ATAD3C: variants seen among roughly 807,000 people sequenced by gnomAD.
ATAD3C encodes ATPase family AAA domain-containing protein 3C.
Under a neutral mutation model 46.3 loss-of-function variants are expected in ATAD3C, and 38 were observed. The ratio of observed to expected loss-of-function variants is 0.82; its 90% CI spans 0.63 to 1.08. The LOEUF (loss-of-function observed/expected upper bound fraction) is 1.08. ATAD3C is among the 50% of genes least tolerant of loss of function. The pLI, the probability that ATAD3C is intolerant of heterozygous loss-of-function variation, is 0.00. For synonymous variants in ATAD3C, 220 were observed against 236.4 expected (o/e 0.93, Z 0.63); for missense variants, 563 against 572.7 (o/e 0.98, Z 0.17).
intron 11 of ATAD3C, among the ~76,000 whole-genome samples, chr1:1,467,497 G>A (rs1476255575): frequency 1.3e-5 from 2 of 152,032 alleles, no homozygotes; most frequent in Admixed American, 6.6e-5. Flanking sequence ...CAGAGGGGAC[G>A]GGCACCACGT....
rs779246122 is a variant in ATAD3C, at chr1:1,455,415, G to A, written c.379-45G>A. 1.9e-5 allele frequency: 30 copies of A among 1,605,520 alleles called. No individual in the cohort carries two copies. The South Asian group carries it at 2.8e-4, about 15-fold the overall frequency. On this transcript the variant is annotated intron_variant, in intron 4 of 11. Coordinates refer to ENST00000378785, the MANE Select transcript of ATAD3C (RefSeq NM_001039211.3). ...TTGTGTGTGCGTTGGTGGCTGTTCC[G>A]TGGCTGTGGCAGGTGACCCAATGGT...
At chr1:1,454,623 C>T (rs974346401) in intron 4 of ATAD3C, 123 bp downstream of exon 4, 22 of 1,435,384 alleles carry the variant, frequency 1.5e-5, no homozygotes, top group East Asian at 2.8e-5. Context: ...GGCACCCGCA[C>T]GCTGCTTCAC....
rs377159075 is a variant in ATAD3C, at chr1:1,455,785, C to G, written c.439-6C>G. Reference sequence around the variant, plus strand: ...GTGTCCTCCAAGCCCCTGTCTTCCTCGGCAGCCCAGCCTGGAAGCACGGGT... The same window carrying G: ...GTGTCCTCCAAGCCCCTGTCTTCCTGGGCAGCCCAGCCTGGAAGCACGGGT... On this transcript the variant is annotated splice_polypyrimidine_tract_variant and splice_region_variant and intron_variant, in intron 5 of 11. Coordinates refer to ENST00000378785, the MANE Select transcript of ATAD3C (RefSeq NM_001039211.3). 1.2e-6 allele frequency: 2 copies of G among 1,613,066 alleles called. No homozygotes were observed. Among genetic ancestry groups the G allele is most frequent in the Non-Finnish European group, 1.7e-6 (2 of 1,179,648 alleles).
Position 1,450,676 on chromosome 1 carries a change from T to C in ATAD3C, c.-8T>C, listed in dbSNP as rs113739290. ...CACCTGCCCTCCGTGTCCCTGCATC[T>C]GCAGGCCATGTCAAAGGACGCCCTG... is the stretch of plus-strand genomic sequence containing the variant. On this transcript the variant is annotated 5_prime_UTR_variant, in exon 1 of 12. Transcript: ENST00000378785. 5.0e-5 allele frequency: 81 copies of C among 1,611,118 alleles called. No homozygotes were observed. Among genetic ancestry groups the C allele is most frequent in the Non-Finnish European group, 6.6e-5 (78 of 1,178,584 alleles).
intron 4 of ATAD3C, among the ~76,000 whole-genome samples, chr1:1,454,748 G>A (rs1347233820): frequency 1.3e-5 from 2 of 151,858 alleles, no homozygotes; most frequent in Admixed American, 6.6e-5. Flanking sequence ...GGAGCACATC[G>A]GGGTCCTTGC....
intron 9 of ATAD3C, 56 bp from the exon 10 acceptor site, chr1:1,460,694 C>A: frequency 6.5e-7 from 1 of 1,532,556 alleles, no homozygotes; most frequent in Non-Finnish European, 8.8e-7. Flanking sequence ...ACCTGTTCCC[C>A]TGGGGACAGC....
Position 1,451,009 on chromosome 1 carries a change from T to C in ATAD3C, c.75+251T>C, listed in dbSNP as rs567023233. On this transcript the variant is annotated intron_variant, in intron 1 of 11. Transcript: ENST00000378785. ...GGTCGTCCTGAGGGCCTGGATCTTCTTGACATTCTCACCTCATTTCTTTGA... is the reference window on the plus strand; with the variant it reads ...GGTCGTCCTGAGGGCCTGGATCTTCCTGACATTCTCACCTCATTTCTTTGA... 4.4e-4 allele frequency among the ~76,000 whole-genome samples: 67 copies of C among 151,646 alleles called. 1 individual carries two copies. Among genetic ancestry groups the C allele is most frequent in the Non-Finnish European group, 8.8e-4 (60 of 67,910 alleles).
In ATAD3C at chr1:1,462,689, A is replaced by G; in HGVS notation, c.1070A>G (p.Gln357Arg). 6.2e-7 allele frequency: 1 copy of G among 1,604,708 alleles called. No homozygotes were observed. The highest frequency in any genetic ancestry group is 1.3e-5 in the African/African-American group (1 of 74,980). The part of the protein sequence containing the change: ...TEGMSCRKIA[Q>R]LAVSWQATAY... ...GGCATGTCATGCCGGAAGATCGCAC[A>G]GCTGGCCGTGTCCTGGCAGGTGAGT... Residue 357 changes from glutamine (Q) to arginine (R), a missense_variant, in exon 11 of 12, where the codon CAG becomes CGG. By Grantham distance (43) the Gln-to-Arg change is conservative. Transcript: ENST00000378785. The surrounding 1 kb of genome is among the most constrained non-coding windows in gnomAD (Gnocchi z 4.5).
At position 1,459,337 on chromosome 1, in the gene ATAD3C, C is replaced by A; in HGVS notation, c.812+106C>A. On this transcript the variant is annotated intron_variant, in intron 9 of 11. Transcript: ENST00000378785. The surrounding 1 kb of genome is among the most constrained non-coding windows in gnomAD (Gnocchi z 4.9). ...GGCCCTGGCTCACAGTGCTGGGCAGCTGCCGTGGCCTCAACGTGCCCACCT... is the reference window on the plus strand; with the variant it reads ...GGCCCTGGCTCACAGTGCTGGGCAGATGCCGTGGCCTCAACGTGCCCACCT... 1 of 1,565,718 alleles carries A rather than the reference C, an allele frequency of 6.4e-7. No homozygotes were observed. Among genetic ancestry groups the A allele is most frequent in the Non-Finnish European group, 8.6e-7 (1 of 1,158,432 alleles).
chr1:1,468,336 T>C (rs759757318), intron 11 of ATAD3C, 48 bp from the exon 12 acceptor site: 1 of 1,575,866 alleles, frequency 6.3e-7, no homozygotes, highest in Non-Finnish European at 8.6e-7. Flanking sequence ...GCATTTGGGG[T>C]GGGGGGTTCC....
At position 1,458,698 on chromosome 1, in the gene ATAD3C, C is replaced by T. The variant is rs185029737; in HGVS notation, c.742-463C>T. Among the ~76,000 whole-genome samples the T allele has an allele frequency of 1.1e-3, 168 of 150,956 alleles. 4 individuals carry two copies. The highest frequency in any genetic ancestry group is 2.1e-3 in the Non-Finnish European group (145 of 67,784). Reference sequence around the variant, plus strand: ...TTGACCTTCTGAAGTTCTGGGATTACAGTCATGAGCCCCCACGCCCAGTCA... The same window carrying T: ...TTGACCTTCTGAAGTTCTGGGATTATAGTCATGAGCCCCCACGCCCAGTCA... On this transcript the variant is annotated intron_variant, in intron 8 of 11. Transcript: ENST00000378785.
intron 11 of ATAD3C, among the ~76,000 whole-genome samples, chr1:1,465,589 TAAAAAA>T (rs1156747431): frequency 4.1e-4 from 45 of 110,498 alleles, no homozygotes; most frequent in Admixed American, 1.5e-3. Flanking sequence ...AGACTGTCTT[TAAAAAA>T]AAAAAAAAAA....
chr1:1,459,765 G>T lies in ATAD3C; in HGVS notation c.812+534G>T, dbSNP rs1041684068. 1.3e-5 allele frequency among the ~76,000 whole-genome samples: 2 copies of T among 152,034 alleles called. No homozygotes were observed. Among genetic ancestry groups the T allele is most frequent in the African/African-American group, 4.8e-5 (2 of 41,400 alleles). ...TGTGGCCTCTGTGGGCTGCCGCCCAGATGTCCCCCATAGGGTGACCGCCCC... is the reference window on the plus strand; with the variant it reads ...TGTGGCCTCTGTGGGCTGCCGCCCATATGTCCCCCATAGGGTGACCGCCCC... On this transcript the variant is annotated intron_variant, in intron 9 of 11. Transcript: ENST00000378785. This position sits in a 1 kb window ranked among gnomAD's most constrained non-coding sequence, Gnocchi z 4.9.
rs538836491 is a variant in ATAD3C at position 1,450,322 on chromosome 1, CAAA to C, written c.-345_-343del. 0.055 allele frequency: 6,047 copies of C among 109,128 alleles called. 161 individuals carry two copies. Among genetic ancestry groups the C allele is most frequent in the African/African-American group, 0.12 (3,609 of 29,320 alleles). The allele number at this position is 109,128 out of a possible 1,614,324, so 6.8% of individuals were successfully genotyped here. A position where few individuals can be genotyped will look rare whatever the true frequency, so the allele number is the denominator to read the frequency against. On this transcript the variant is annotated 5_prime_UTR_variant, in exon 1 of 12. Coordinates refer to ENST00000378785, the MANE Select transcript of ATAD3C (RefSeq NM_001039211.3). ...CCTGGGCCAGAATGAGACTCCGTCT[CAAA>C]AAAAAAAAAAAAAAAAGCATGTGTA...
Position 1,462,627 on chromosome 1 carries a change from C to A in ATAD3C, c.1008C>A (p.Tyr336Ter). 1 of 1,604,110 alleles carries A rather than the reference C, an allele frequency of 6.2e-7. No homozygotes were observed. Among genetic ancestry groups the A allele is most frequent in the Middle Eastern group, 1.7e-4 (1 of 6,048 alleles). Residue 336 changes from tyrosine (Y) to a stop codon, truncating the protein, a stop_gained, in exon 11 of 12, where the codon TAC becomes TAA. Coordinates refer to ENST00000378785, the MANE Select transcript of ATAD3C (RefSeq NM_001039211.3). LOFTEE classifies it high-confidence loss of function. The surrounding 1 kb of genome is among the most constrained non-coding windows in gnomAD (Gnocchi z 4.5). ...KRRLKLAQFD[Y>*]GRKCLEIARL... is the part of the protein sequence containing the mutation. ...GTCTGAAGCTGGCCCAGTTTGACTACGGGAGGAAGTGCTTAGAGATCGCTC... is the reference window on the plus strand; with the variant it reads ...GTCTGAAGCTGGCCCAGTTTGACTAAGGGAGGAAGTGCTTAGAGATCGCTC...
intron 11 of ATAD3C, among the ~76,000 whole-genome samples, chr1:1,465,589 T>TTA (rs1466315751): frequency 9.0e-6 from 1 of 110,524 alleles, no homozygotes; most frequent in Non-Finnish European, 1.9e-5. Context: ...AGACTGTCTT[T>TTA]AAAAAAAAAA....
At chr1:1,453,730 C>T (rs577417368) in intron 3 of ATAD3C, among the ~76,000 whole-genome samples, 66 of 151,680 alleles carry the variant, frequency 4.4e-4, no homozygotes, top group Admixed American at 2.3e-3. Context: ...ACCTCCGACT[C>T]GCGGGTTCAA....
In ATAD3C at chr1:1,452,032, C is replaced by T. The variant is rs781484435; in HGVS notation, c.76-14C>T. 55 of 1,612,984 alleles carry T rather than the reference C, an allele frequency of 3.4e-5. 1 individual carries two copies. Among genetic ancestry groups the T allele is most frequent in the South Asian group, 2.1e-4 (19 of 90,980 alleles). ...TTTTAAAGGCTTTTCTCTTTTTCTG[C>T]GGCTTCTTCTCAGCAACTTGTCAAT... On this transcript the variant is annotated splice_polypyrimidine_tract_variant and intron_variant, in intron 1 of 11. Transcript: ENST00000378785.
rs1319942668 is a variant in ATAD3C at position 1,460,890 on chromosome 1, T to A, written c.953T>A (p.Val318Asp). ...RLVRMYLNEY[V>D]LKPATEGKRR... is the part of the protein sequence containing the mutation. ...GTGAGAATGTATCTTAACGAGTATG[T>A]TCTTAAGCCGGCCACAGAAGGAAAG... Residue 318 changes from valine (V) to aspartate (D), a missense_variant, in exon 10 of 12, where the codon GTT becomes GAT. By Grantham distance (152) the Val-to-Asp change is radical. Transcript: ENST00000378785. 6.2e-7 allele frequency: 1 copy of A among 1,611,048 alleles called. No homozygotes were observed. Among genetic ancestry groups the A allele is most frequent in the Non-Finnish European group, 8.5e-7 (1 of 1,178,478 alleles).
Sources: gnomAD v4.1 joint callset for allele counts (sites outside exome capture counted in the v4.1 genomes callset) on GRCh38, gnomAD v4.1.1 for gene constraint, Gnocchi (gnomAD v3.1) non-coding constraint, MANE v1.5 for transcripts, NCBI Gene and HGNC (gene_info 2026-07-23, HGNC 2026-07-21) for gene names.